Variants in NR5A2 observed in about 807,000 individuals in gnomAD.
NR5A2 encodes the protein nuclear receptor subfamily 5 group A member 2.
A neutral mutation model predicts 62.7 loss-of-function variants in NR5A2; 26 were observed. That is an observed-to-expected ratio of 0.41 (90% CI 0.30 to 0.58). The LOEUF (loss-of-function observed/expected upper bound fraction) is 0.58, where lower values mean the gene tolerates loss of function less well. NR5A2 is among the 20% of genes least tolerant of loss of function. The pLI, the probability that NR5A2 is intolerant of heterozygous loss-of-function variation, is 0.22. For synonymous variants in NR5A2, 246 were observed against 241.7 expected, an observed-to-expected ratio of 1.02 and a Z score of -0.16; for missense variants, 541 against 669.1, an observed-to-expected ratio of 0.81 and a Z score of 2.11.
Position 200,048,150 on chromosome 1 carries a change from C to G in NR5A2, c.464-22C>G, listed in dbSNP as rs749676032. On this transcript the variant is annotated intron_variant, in intron 4 of 7. Transcript: ENST00000367362. The surrounding 1 kb of genome is among the most constrained non-coding windows in gnomAD (Gnocchi z 4.8). ...ACCTTATTTATACCTTTCCTTCCTT[C>G]CCCCCACCCCACCCCCAACAGCTGT... The G allele has an allele frequency of 6.4e-7, 1 of 1,562,968 alleles. No individual in the cohort carries two copies. Among genetic ancestry groups the G allele is most frequent in the East Asian group, 2.3e-5 (1 of 44,352 alleles).
intron 2 of NR5A2, among the ~76,000 whole-genome samples, chr1:200,040,205 AC>A (rs1661999876): frequency 6.6e-6 from 1 of 151,996 alleles, no homozygotes; most frequent in African/African-American, 2.4e-5. Flanking sequence ...GAGGGAGGCG[AC>A]CCAGTCTAGG....
intron 5 of NR5A2, chr1:200,057,423 C>T (rs1662966076): frequency 4.6e-6 from 1 of 216,746 alleles, no homozygotes; most frequent in African/African-American, 2.4e-5. Flanking sequence ...GTCCGTCAGT[C>T]ATAATGACTC....
At chr1:200,132,208 C>A (rs1455702228) in intron 7 of NR5A2, among the ~76,000 whole-genome samples, 1 of 152,152 alleles carries the variant, frequency 6.6e-6, no homozygotes, top group East Asian at 1.9e-4. Flanking sequence ...CGGGATTTCA[C>A]CATGTTGGCC....
chr1:200,028,620 T>G (rs1661436321), intron 1 of NR5A2, among the ~76,000 whole-genome samples: 1 of 152,208 alleles, frequency 6.6e-6, no homozygotes, highest in Non-Finnish European at 1.5e-5. Context: ...ATTCTAAAAG[T>G]AAAGGACTGA....
intron 1 of NR5A2, among the ~76,000 whole-genome samples, chr1:200,034,015 G>T (rs774697797): frequency 5.4e-4 from 82 of 152,284 alleles, no homozygotes; most frequent in Non-Finnish European, 9.0e-4. Flanking sequence ...AAAAGCCGAG[G>T]AATTCTGAAG....
chr1:200,133,558 C>CACACATATATATATACACATATATAT (rs2102332711), intron 7 of NR5A2, among the ~76,000 whole-genome samples: 2 of 103,102 alleles, frequency 1.9e-5, no homozygotes, highest in South Asian at 3.0e-4. Flanking sequence ...CACATATATA[C>CACACATATATATATACACATATATAT]ACACATATAT....
intron 7 of NR5A2, among the ~76,000 whole-genome samples, chr1:200,124,626 C>G (rs559465847): frequency 1.3e-5 from 2 of 152,250 alleles, no homozygotes; most frequent in East Asian, 1.9e-4. Flanking sequence ...TAGGGACTTA[C>G]AAAATGTTTA....
At chr1:200,100,665 A>G (rs569840336) in intron 5 of NR5A2, among the ~76,000 whole-genome samples, 76 of 152,322 alleles carry the variant, frequency 5.0e-4, no homozygotes, top group Non-Finnish European at 7.6e-4. Context: ...GCGTACACTG[A>G]GGGCATTCAA....
intron 7 of NR5A2, among the ~76,000 whole-genome samples, chr1:200,144,835 C>T (rs2737625): frequency 0.026 from 3,904 of 152,242 alleles, 151 homozygotes; most frequent in African/African-American, 0.085. Flanking sequence ...AAGTCTTACC[C>T]AGGTCCTTAT....
chr1:200,083,641 T>TTGTACAGCAATATTGTATAGCAA (rs1400553349), intron 5 of NR5A2, among the ~76,000 whole-genome samples: 3 of 126,626 alleles, frequency 2.4e-5, no homozygotes, highest in African/African-American at 9.3e-5. Flanking sequence ...ATATACAGTA[T>TTGTACAGCAATATTGTATAGCAA]TGTACAGTAT....
chr1:200,069,261 C>CTTTTTTT (rs71132652), intron 5 of NR5A2, among the ~76,000 whole-genome samples: 1 of 149,052 alleles, frequency 6.7e-6, no homozygotes, highest in Non-Finnish European at 1.5e-5. Flanking sequence ...AATTCATATT[C>CTTTTTTT]TTTTTTTTTT....
intron 7 of NR5A2, among the ~76,000 whole-genome samples, chr1:200,155,992 A>T (rs575753909): frequency 6.6e-6 from 1 of 152,282 alleles, no homozygotes; most frequent in East Asian, 1.9e-4. Flanking sequence ...AATTTTCAAC[A>T]GTTACTTAAA....
At chr1:200,154,005 T>A (rs1017616211) in intron 7 of NR5A2, among the ~76,000 whole-genome samples, 5 of 152,270 alleles carry the variant, frequency 3.3e-5, no homozygotes, top group African/African-American at 1.2e-4. Context: ...AATGTTATTC[T>A]GTGATTCAGT....
chr1:200,168,043 GAATA>G (rs914222544), intron 7 of NR5A2, among the ~76,000 whole-genome samples: 3 of 151,970 alleles, frequency 2.0e-5, no homozygotes, highest in African/African-American at 4.8e-5. Context: ...AAGACTGAAT[GAATA>G]AATGAATGAA....
chr1:200,038,660 G>A, intron 1 of NR5A2: 2 of 1,325,274 alleles, frequency 1.5e-6, no homozygotes, highest in Non-Finnish European at 2.0e-6. Flanking sequence ...AAGGGCACAC[G>A]CCCACCCGCG....
intron 5 of NR5A2, among the ~76,000 whole-genome samples, chr1:200,099,082 T>C (rs1485213433): frequency 6.6e-6 from 1 of 152,122 alleles, no homozygotes; most frequent in African/African-American, 2.4e-5. Flanking sequence ...TAAGGGGACA[T>C]TTAAATTGTG....
Position 200,039,225 on chromosome 1 carries a change from C to G in NR5A2, c.65-433C>G, listed in dbSNP as rs1034556613. Among the ~76,000 whole-genome samples, 3 of 152,128 alleles carry G rather than the reference C, an allele frequency of 2.0e-5. No homozygotes were observed. The highest frequency in any genetic ancestry group is 6.5e-5 in the Admixed American group (1 of 15,294). On this transcript the variant is annotated intron_variant, in intron 1 of 7. Transcript: ENST00000367362. This position sits in a 1 kb window ranked among gnomAD's most constrained non-coding sequence, Gnocchi z 5.1. ...AGAGAAAGAGGAGAGAGACCCCTGC[C>G]GATCCTGAGCCAGAGGGCGGTGGAG...
chr1:200,066,789 T>C (rs926420380), intron 5 of NR5A2, among the ~76,000 whole-genome samples: 3 of 152,122 alleles, frequency 2.0e-5, no homozygotes, highest in African/African-American at 7.2e-5. Context: ...GGTTTCACCA[T>C]GTTGGTCAGG....
intron 5 of NR5A2, chr1:200,058,228 T>G (rs922370239): frequency 7.2e-5 from 11 of 152,238 alleles, no homozygotes; most frequent in Admixed American, 7.2e-4. Flanking sequence ...TCAGTAGTGT[T>G]GTTTTTTAAA....
Sources: gnomAD v4.1 joint callset for allele counts (sites outside exome capture counted in the v4.1 genomes callset) on GRCh38, gnomAD v4.1.1 for gene constraint, Gnocchi (gnomAD v3.1) non-coding constraint, MANE v1.5 for transcripts, NCBI Gene and HGNC (gene_info 2026-07-23, HGNC 2026-07-21) for gene names.